Variants in MDGA2 observed in about 807,000 individuals in gnomAD.
The protein encoded by MDGA2 is MAM domain-containing glycosylphosphatidylinositol anchor protein 2.
In MDGA2, 40 loss-of-function variants were observed where a neutral mutation model predicts 117.8. That is an observed-to-expected ratio of 0.34 (90% CI 0.26 to 0.44). The LOEUF (loss-of-function observed/expected upper bound fraction) is 0.44. Ranked by LOEUF, MDGA2 falls within the 20% of genes least tolerant of loss-of-function variation. MDGA2 has a pLI of 1.00. For synonymous variants in MDGA2, 452 were observed against 439.0 expected (o/e 1.03, Z -0.37); for missense variants, 1,123 against 1,250.6 (o/e 0.90, Z 1.54).
intron 1 of MDGA2, among the ~76,000 whole-genome samples, chr14:47,627,362 CTAGT>C (rs1897166408): frequency 6.6e-6 from 1 of 150,984 alleles, no homozygotes; most frequent in Non-Finnish European, 1.5e-5. Flanking sequence ...CACTCTGTGT[CTAGT>C]TAATCTGGTG....
At chr14:47,598,453 T>C (rs1896587216) in intron 1 of MDGA2, among the ~76,000 whole-genome samples, 2 of 152,272 alleles carry the variant, frequency 1.3e-5, no homozygotes, top group Non-Finnish European at 2.9e-5. Flanking sequence ...AATGGATAAA[T>C]AGAAAGTGAT....
At chr14:47,042,546 CTCT>C (rs1291750529) in intron 7 of MDGA2, among the ~76,000 whole-genome samples, 4 of 152,090 alleles carry the variant, frequency 2.6e-5, no homozygotes, top group Non-Finnish European at 5.9e-5. Flanking sequence ...AGTCCTCCAT[CTCT>C]TCTTTGCTAG....
intron 7 of MDGA2, chr14:47,058,853 C>T (rs1270624677): frequency 2.0e-6 from 2 of 985,526 alleles, no homozygotes; most frequent in African/African-American, 3.5e-5. Context: ...GCCTCAAGAG[C>T]CTGCCATCCG....
intron 6 of MDGA2, among the ~76,000 whole-genome samples, chr14:47,096,619 T>C (rs577452747): frequency 9.9e-5 from 15 of 152,156 alleles, no homozygotes; most frequent in South Asian, 2.1e-4. Flanking sequence ...CATTTGATGG[T>C]ATCACTAAGA....
intron 2 of MDGA2, among the ~76,000 whole-genome samples, chr14:47,234,736 C>T (rs1427246703): frequency 6.6e-6 from 1 of 152,132 alleles, no homozygotes; most frequent in Admixed American, 6.5e-5. Flanking sequence ...AGTCTCACAG[C>T]AACTCTCATT....
chr14:47,023,593 T>G (rs1439220046), intron 8 of MDGA2, among the ~76,000 whole-genome samples: 1 of 152,152 alleles, frequency 6.6e-6, no homozygotes, highest in Admixed American at 6.5e-5. Context: ...CAGAATACAA[T>G]ATCCTAATTT....
chr14:46,889,532 AGTTGTGTTCTAGC>A (rs1882799438), intron 10 of MDGA2, among the ~76,000 whole-genome samples: 1 of 152,012 alleles, frequency 6.6e-6, no homozygotes, highest in South Asian at 2.1e-4. Context: ...AGTTTTTTCT[AGTTGTGTTCTAGC>A]GTCTAGCATG....
intron 4 of MDGA2, among the ~76,000 whole-genome samples, chr14:47,137,871 T>C (rs535266380): frequency 6.6e-6 from 1 of 152,244 alleles, no homozygotes; most frequent in Non-Finnish European, 1.5e-5. Flanking sequence ...GAAAACAAGA[T>C]ACCAAGATAT....
At chr14:46,988,005 G>A (rs982798302) in intron 8 of MDGA2, among the ~76,000 whole-genome samples, 2 of 151,706 alleles carry the variant, frequency 1.3e-5, no homozygotes, top group African/African-American at 4.8e-5. Flanking sequence ...ACAGAGTATA[G>A]TATGTTATGG....
At chr14:47,579,130 T>G (rs531600259) in intron 1 of MDGA2, among the ~76,000 whole-genome samples, 8 of 151,850 alleles carry the variant, frequency 5.3e-5, no homozygotes, top group Non-Finnish European at 8.9e-5. Context: ...TGAAACATAC[T>G]AACCTCTTTT....
intron 1 of MDGA2, among the ~76,000 whole-genome samples, chr14:47,515,626 C>T (rs1894735170): frequency 6.6e-6 from 1 of 151,980 alleles, no homozygotes; most frequent in South Asian, 2.1e-4. Flanking sequence ...AGTTTTAACT[C>T]TCAGAATAAT....
Position 47,298,500 on chromosome 14 carries a change from T to C in MDGA2, c.420+2911A>G, listed in dbSNP as rs537797040. On this transcript the variant is annotated intron_variant, in intron 2 of 16. Coordinates refer to ENST00000399232, the MANE Select transcript of MDGA2 (RefSeq NM_001113498.3). ...TCCACTGCATTTCCAACTATTATTA[T>C]ACTCAGATTAGACCAAGCGAGAAAG... is the stretch of plus-strand genomic sequence containing the variant. 4.6e-5 allele frequency among the ~76,000 whole-genome samples: 7 copies of C among 152,260 alleles called. No individual in the cohort carries two copies. In the South Asian group the frequency reaches 1.5e-3, roughly 32 times the overall value.
rs534962985 is a variant in MDGA2, at chr14:47,469,368, T to C, written c.281-167818A>G. ...CCCTTCCTGTGACCATGTGTTCTCA[T>C]TGTTCAGTTCCCACCTATGAGTGAG... On this transcript the variant is annotated intron_variant, in intron 1 of 16. Coordinates refer to ENST00000399232, the MANE Select transcript of MDGA2 (RefSeq NM_001113498.3). Among the ~76,000 whole-genome samples the C allele has an allele frequency of 1.0e-3, 157 of 152,226 alleles. 1 individual carries two copies. In the Middle Eastern group the frequency reaches 0.017, roughly 16 times the overall value.
At chr14:47,415,288 A>C (rs1892451461) in intron 1 of MDGA2, among the ~76,000 whole-genome samples, 1 of 152,164 alleles carries the variant, frequency 6.6e-6, no homozygotes. Flanking sequence ...GACAATAAAC[A>C]CTAGCAATAT....
chr14:47,424,505 CAT>C (rs1336938225), intron 1 of MDGA2, among the ~76,000 whole-genome samples: 3 of 152,076 alleles, frequency 2.0e-5, no homozygotes, highest in Admixed American at 1.3e-4. Flanking sequence ...AACATCTTCT[CAT>C]GTGTGTCAGA....
chr14:46,921,286 T>A (rs1193061806), intron 9 of MDGA2, among the ~76,000 whole-genome samples: 1 of 152,154 alleles, frequency 6.6e-6, no homozygotes, highest in Non-Finnish European at 1.5e-5. Context: ...TCATTTAACA[T>A]CTTTTCTTTT....
chr14:47,390,196 C>G (rs2138436003), intron 1 of MDGA2, among the ~76,000 whole-genome samples: 1 of 152,298 alleles, frequency 6.6e-6, no homozygotes. Flanking sequence ...TTTCTCTGTC[C>G]TTTTCTTAAA....
At chr14:46,983,117 A>T (rs1179970752) in intron 8 of MDGA2, among the ~76,000 whole-genome samples, 2 of 151,846 alleles carry the variant, frequency 1.3e-5, no homozygotes, top group East Asian at 1.9e-4. Context: ...GTTTATTGAT[A>T]AAAAAACTGA....
intron 2 of MDGA2, among the ~76,000 whole-genome samples, chr14:47,221,046 T>C (rs1388765716): frequency 3.3e-4 from 50 of 152,288 alleles, no homozygotes; most frequent in African/African-American, 1.2e-3. Flanking sequence ...GGTGGGCAGT[T>C]AATAGATATT....
Sources: gnomAD v4.1 joint callset for allele counts (sites outside exome capture counted in the v4.1 genomes callset) on GRCh38, gnomAD v4.1.1 for gene constraint, MANE v1.5 for transcripts, NCBI Gene and HGNC (gene_info 2026-07-23, HGNC 2026-07-21) for gene names.